Variants in METTL2A observed in about 807,000 individuals in gnomAD.
METTL2A encodes tRNA N(3)-cytidine methyltransferase METTL2A.
METTL2A carries 45 observed loss-of-function variants against 49.4 expected under a neutral mutation model. The observed-to-expected ratio is 0.91, with a 90% CI of 0.72 to 1.17. The LOEUF is 1.17. Among genes scored for constraint, METTL2A ranks in the 50% most tolerant of loss-of-function variants. The pLI, the probability that METTL2A is intolerant of heterozygous loss-of-function variation, is 0.00. For missense variants in METTL2A, 361 were observed against 462.2 expected (o/e 0.78, Z 2.01); for synonymous variants, 118 against 167.5 (o/e 0.70, Z 2.28).
At chr17:62,447,312 T>C (rs1011346827) in intron 7 of METTL2A, among the ~76,000 whole-genome samples, 2 of 151,920 alleles carry the variant, frequency 1.3e-5, no homozygotes, top group African/African-American at 2.4e-5. Context: ...CCCAGCTACT[T>C]GGGAGGCTGA....
rs1442129407 is a variant in METTL2A at position 62,449,189 on chromosome 17, A to G, written c.*460A>G. 1 of 265,206 alleles carries G rather than the reference A, an allele frequency of 3.8e-6. No homozygotes were observed. Among genetic ancestry groups the G allele is most frequent in the Admixed American group, 5.2e-5 (1 of 19,162 alleles). The allele number at this position is 265,206 out of a possible 1,614,324, so 16.4% of individuals were successfully genotyped here. On this transcript the variant is annotated 3_prime_UTR_variant, in exon 9 of 9. Coordinates refer to ENST00000311506, the MANE Select transcript of METTL2A (RefSeq NM_181725.4). Reference sequence around the variant, plus strand: ...ATTTCCATGTGAAAAAGTGTTACATATGACAAGTGTTTTTTGACTGTAATT... The same window carrying G: ...ATTTCCATGTGAAAAAGTGTTACATGTGACAAGTGTTTTTTGACTGTAATT...
Position 62,451,002 on chromosome 17 carries a change from T to G in METTL2A, c.*2273T>G, listed in dbSNP as rs2070802617. Among the ~76,000 whole-genome samples, 1 of 152,186 alleles carries G rather than the reference T, an allele frequency of 6.6e-6. No homozygotes were observed. The highest frequency in any genetic ancestry group is 1.5e-5 in the Non-Finnish European group (1 of 68,040). On this transcript the variant is annotated 3_prime_UTR_variant, in exon 9 of 9. Coordinates refer to ENST00000311506, the MANE Select transcript of METTL2A (RefSeq NM_181725.4). ...AATGCCAGCCACTAACCATTCATGT[T>G]TACCCAGTAGTCCCAATAATAGCTT...
intron 6 of METTL2A, among the ~76,000 whole-genome samples, 187 bp from the exon 7 acceptor site, chr17:62,444,650 G>A (rs191398144): frequency 1.1e-3 from 175 of 152,278 alleles, no homozygotes; most frequent in African/African-American, 4.0e-3. Flanking sequence ...GCAGTGGATC[G>A]AGGCCACAGC....
In METTL2A at chr17:62,452,673, G is replaced by T. The variant is rs2070811987; in HGVS notation, c.*3944G>T. Among the ~76,000 whole-genome samples the T allele has an allele frequency of 2.0e-5, 3 of 152,316 alleles. No individual in the cohort carries two copies. In the South Asian group the frequency reaches 6.2e-4, roughly 32 times the overall value. On this transcript the variant is annotated 3_prime_UTR_variant, in exon 9 of 9. Coordinates refer to ENST00000311506, the MANE Select transcript of METTL2A (RefSeq NM_181725.4). ...GGCTCACCCAGGCTGGAATGCAGCA[G>T]CACGATCACTGCTCACTGCAGCCTC...
chr17:62,427,210 G>T (rs1347517923), intron 3 of METTL2A, among the ~76,000 whole-genome samples: 1 of 152,192 alleles, frequency 6.6e-6, no homozygotes, highest in Admixed American at 6.5e-5. Flanking sequence ...GAACTGGTCA[G>T]CCTTGGGATT....
intron 5 of METTL2A, among the ~76,000 whole-genome samples, chr17:62,435,949 A>G (rs1211826043): frequency 2.0e-5 from 3 of 152,118 alleles, no homozygotes; most frequent in Admixed American, 1.3e-4. Context: ...ATGAAATACG[A>G]TTGCATGCTG....
intron 8 of METTL2A, 44 bp downstream of exon 8, chr17:62,447,810 G>A (rs1299905428): frequency 6.2e-7 from 1 of 1,610,448 alleles, no homozygotes. Flanking sequence ...CCCAGTACCA[G>A]ATGAGATGGT....
In METTL2A at chr17:62,447,688, C is replaced by T. The variant is rs1299395829; in HGVS notation, c.917-13C>T. 6.2e-7 allele frequency: 1 copy of T among 1,613,824 alleles called. No individual in the cohort carries two copies. The highest frequency in any genetic ancestry group is 1.1e-5 in the South Asian group (1 of 91,054). On this transcript the variant is annotated splice_polypyrimidine_tract_variant and intron_variant, in intron 7 of 8. Coordinates refer to ENST00000311506, the MANE Select transcript of METTL2A (RefSeq NM_181725.4). ...TTTTAAGTGTCTCTGATTTTTAACA[C>T]ATCACTCTGCAGGTCAGTGTCTATC...
chr17:62,435,177 A>G, intron 4 of METTL2A, 55 bp from the exon 5 acceptor site: 1 of 1,613,302 alleles, frequency 6.2e-7, no homozygotes, highest in Non-Finnish European at 8.5e-7. Flanking sequence ...CAAGAATGAG[A>G]GTAGACATAG....
chr17:62,425,398 T>A (rs2070616981), intron 2 of METTL2A, among the ~76,000 whole-genome samples: 1 of 135,438 alleles, frequency 7.4e-6, no homozygotes, highest in African/African-American at 2.7e-5. Context: ...ACTTTTTTTT[T>A]TTTTTTGGAG....
chr17:62,435,347 G>GA, intron 5 of METTL2A, 55 bp downstream of exon 5: 1 of 1,610,364 alleles, frequency 6.2e-7, no homozygotes, highest in Non-Finnish European at 8.5e-7. Context: ...AAGGGAAAAG[G>GA]TTCTCCTAAA....
rs1201777173 is a variant in METTL2A, at chr17:62,426,363, T to C, written c.267T>C (p.Phe89=). ...NDFYKIHENG[F]FKDRHWLFTE... Reference sequence around the variant, plus strand: ...TCTACAAAATCCACGAAAATGGGTTTTTCAAGGATAGACATTGGCTTTTTA... The same window carrying C: ...TCTACAAAATCCACGAAAATGGGTTCTTCAAGGATAGACATTGGCTTTTTA... The change falls in exon 3 of 9, where the codon TTT becomes TTC. Residue 89 remains phenylalanine, a synonymous_variant. Transcript: ENST00000311506. The C allele has an allele frequency of 6.2e-7, 1 of 1,613,904 alleles. No homozygotes were observed. The highest frequency in any genetic ancestry group is 1.3e-5 in the African/African-American group (1 of 74,996).
At chr17:62,424,384 G>A (rs1164169402) in intron 2 of METTL2A, 74 bp downstream of exon 2, 12 of 1,594,086 alleles carry the variant, frequency 7.5e-6, no homozygotes, top group Admixed American at 1.8e-5. Flanking sequence ...AGAGGCCAGG[G>A]AACCGCGGCC....
Position 62,450,247 on chromosome 17 carries a change from C to CATTTTTTTTTTTTTTTTTTTTTTTT in METTL2A, c.*1518_*1519insATTTTTTTTTTTTTTTTTTTTTTTT, listed in dbSNP as rs1396756918. On this transcript the variant is annotated 3_prime_UTR_variant, in exon 9 of 9. Transcript: ENST00000311506. ...TGTGATCATTATCAGTGTTAGATGC[C>CATTTTTTTTTTTTTTTTTTTTTTTT]TTTTTTTTTTTTTTTTTTTTTTTTT... The CATTTTTTTTTTTTTTTTTTTTTTTT allele has an allele frequency of 2.5e-4, 20 of 80,540 alleles. 4 individuals are homozygous for CATTTTTTTTTTTTTTTTTTTTTTTT. Among genetic ancestry groups the CATTTTTTTTTTTTTTTTTTTTTTTT allele is most frequent in the African/African-American group, 2.5e-4 (4 of 15,966 alleles). The allele number at this position is 80,540 out of a possible 1,614,324, so 5.0% of individuals were successfully genotyped here.
Position 62,423,990 on chromosome 17 carries a change from C to G in METTL2A, c.88C>G (p.Arg30Gly). 1 of 1,613,988 alleles carries G rather than the reference C, an allele frequency of 6.2e-7. No homozygotes were observed. Among genetic ancestry groups the G allele is most frequent in the Non-Finnish European group, 8.5e-7 (1 of 1,180,010 alleles). The change falls in exon 1 of 9, where the codon CGC becomes GGC. Residue 30 changes from arginine to glycine, a missense_variant. This residue lies in a region of METTL2A where 150 missense variants were observed against 170.1 expected (regional missense o/e 0.88). Transcript: ENST00000311506. ...FGSRFLRDPA[R>G]VFHHNAWDNV... ...AAGCCGGTTCCTGAGAGATCCGGCG[C>G]GCGTCTTCCACCACAATGCCTGGTA... is the stretch of plus-strand genomic sequence containing the variant.
chr17:62,444,341 G>A (rs1208579907), intron 6 of METTL2A, among the ~76,000 whole-genome samples: 1 of 152,174 alleles, frequency 6.6e-6, no homozygotes, highest in African/African-American at 2.4e-5. Flanking sequence ...GGGCAGTGGT[G>A]CAATCTTGGC....
chr17:62,431,586 T>A (rs531750523), intron 4 of METTL2A, among the ~76,000 whole-genome samples: 2 of 152,302 alleles, frequency 1.3e-5, no homozygotes, highest in African/African-American at 4.8e-5. Context: ...AATATTTTTT[T>A]AATGTATCTG....
chr17:62,438,999 G>A (rs1408634592), intron 5 of METTL2A, among the ~76,000 whole-genome samples: 8 of 101,592 alleles, frequency 7.9e-5, no homozygotes, highest in African/African-American at 2.3e-4. Context: ...TTTTTTTTGC[G>A]ACGGAGTCTA....
intron 4 of METTL2A, among the ~76,000 whole-genome samples, chr17:62,433,893 C>T (rs1277873349): frequency 6.6e-6 from 1 of 152,078 alleles, no homozygotes; most frequent in African/African-American, 2.4e-5. Context: ...GAAACCCCGT[C>T]TCTACTAAAA....
Sources: allele counts gnomAD v4.1 joint callset (sites outside exome capture counted in the v4.1 genomes callset), GRCh38; gene constraint gnomAD v4.1.1; regional missense constraint gnomAD v4.1.1; transcripts MANE v1.5; gene names NCBI Gene and HGNC (gene_info 2026-07-23, HGNC 2026-07-21).